PIP5K1A: variants seen among roughly 807,000 people sequenced by gnomAD.
The protein encoded by PIP5K1A is phosphatidylinositol 4-phosphate 5-kinase type-1 alpha.
In PIP5K1A, 46 loss-of-function variants were observed where a neutral mutation model predicts 72.9. The ratio of observed to expected loss-of-function variants is 0.63; its 90% CI spans 0.50 to 0.81. PIP5K1A has a LOEUF of 0.81. Among genes scored for constraint, PIP5K1A ranks in the 30% least tolerant of loss-of-function variants. PIP5K1A has a pLI of 0.00. For missense variants in PIP5K1A, 458 were observed against 706.1 expected, an observed-to-expected ratio of 0.65 and a Z score of 3.98; for synonymous variants, 228 against 255.1, an observed-to-expected ratio of 0.89 and a Z score of 1.01.
At position 151,242,511 on chromosome 1, in the gene PIP5K1A, T is replaced by G. The variant is rs1691896591; in HGVS notation, c.1584T>G (p.Ile528Met). ...PLEEISEGSP[I>M]PDPSFSPLVG... is the part of the protein sequence containing the mutation. ...AGGAAATCAGTGAGGGCTCGCCTAT[T>G]CCTGACCCCAGTTTCTCACCTCTAG... Residue 528 changes from isoleucine to methionine, a missense_variant, in exon 14 of 16, where the codon ATT becomes ATG. Ile to Met is a conservative substitution (Grantham distance 10, BLOSUM62 1). Transcript: ENST00000368888. The G allele has an allele frequency of 8.7e-6, 14 of 1,613,776 alleles. No homozygotes were observed. The highest frequency in any genetic ancestry group is 1.2e-5 in the Non-Finnish European group (14 of 1,179,644).
chr1:151,195,884 A>ATTTTTTTTTTTTTTTTTT (rs1157195462), upstream of PIP5K1A, among the ~76,000 whole-genome samples: 6 of 62,294 alleles, frequency 9.6e-5, 2 homozygotes, highest in Non-Finnish European at 1.6e-4. Context: ...ACACCAGCCG[A>ATTTTTTTTTTTTTTTTTT]TTTTTTTTTT....
At chr1:151,239,651 C>G (rs1691399425) in intron 11 of PIP5K1A, among the ~76,000 whole-genome samples, 1 of 152,140 alleles carries the variant, frequency 6.6e-6, no homozygotes, top group Non-Finnish European at 1.5e-5. Context: ...CCTCAGCCTC[C>G]CATGTAGCTG....
intron 1 of PIP5K1A, chr1:151,216,045 C>T (rs1369611822): frequency 1.0e-6 from 1 of 984,526 alleles, no homozygotes; most frequent in Non-Finnish European, 1.4e-6. Context: ...GAGCTCCTTA[C>T]AGTAACTAGC....
In PIP5K1A at chr1:151,236,538, T is replaced by C. The variant is rs1231868673; in HGVS notation, c.940-20T>C. The C allele has an allele frequency of 2.6e-6, 4 of 1,521,844 alleles. No homozygotes were observed. The highest frequency in any genetic ancestry group is 2.2e-5 in the East Asian group (1 of 44,466). The allele number at this position is 1,521,844 out of a possible 1,614,324, so 94.3% of individuals were successfully genotyped here. The stretch of plus-strand genomic sequence containing the variant: ...TTTATTTCTTCCAAGGCTCAGATCA[T>C]GTTTTTTTCCTTCCATTAGGTGCTG... On this transcript the variant is annotated intron_variant, in intron 8 of 15. Coordinates refer to ENST00000368888, the MANE Select transcript of PIP5K1A (RefSeq NM_001135638.2).
At chr1:151,212,959 C>T (rs1315692063) in intron 1 of PIP5K1A, among the ~76,000 whole-genome samples, 3 of 146,088 alleles carry the variant, frequency 2.1e-5, no homozygotes, top group Admixed American at 7.1e-5. Flanking sequence ...GGCGTGATCT[C>T]GGCTCACTGC....
At chr1:151,212,574 G>A (rs1280614693) in intron 1 of PIP5K1A, among the ~76,000 whole-genome samples, 4 of 148,856 alleles carry the variant, frequency 2.7e-5, no homozygotes, top group Admixed American at 6.9e-5. Flanking sequence ...GTGATGATTC[G>A]ACTTTGCCTT....
chr1:151,214,001 G>T (rs936604487), intron 1 of PIP5K1A, among the ~76,000 whole-genome samples: 1 of 152,042 alleles, frequency 6.6e-6, no homozygotes, highest in Non-Finnish European at 1.5e-5. Flanking sequence ...TTTTCTATGT[G>T]TATAAGTTCA....
intron 6 of PIP5K1A, 66 bp downstream of exon 6, chr1:151,232,431 C>A: frequency 6.7e-7 from 1 of 1,493,028 alleles, no homozygotes; most frequent in South Asian, 1.1e-5. Flanking sequence ...AGGAAGGCCC[C>A]TTTTCTCCAC....
At chr1:151,218,873 G>T (rs949735904) in intron 1 of PIP5K1A, among the ~76,000 whole-genome samples, 1 of 146,012 alleles carries the variant, frequency 6.8e-6, no homozygotes, top group Non-Finnish European at 1.5e-5. Flanking sequence ...TTATTCAGAA[G>T]AAAGTATTGA....
upstream of PIP5K1A, among the ~76,000 whole-genome samples, chr1:151,195,742 G>C (rs1684539029): frequency 6.6e-6 from 1 of 151,462 alleles, no homozygotes; most frequent in Admixed American, 6.6e-5. Context: ...GCCAGACTCT[G>C]TCTCAAAAAT....
chr1:151,220,069 G>A (rs1160383208), intron 1 of PIP5K1A, among the ~76,000 whole-genome samples: 1 of 151,878 alleles, frequency 6.6e-6, no homozygotes, highest in African/African-American at 2.4e-5. Context: ...GCAGTGGCGC[G>A]ATCTCAGCTC....
At chr1:151,198,504 A>G (rs143347227), upstream of PIP5K1A, 876 of 196,142 alleles carry the variant, frequency 4.5e-3, 7 homozygotes, top group African/African-American at 0.02. Flanking sequence ...TTTCTCCCCA[A>G]TGAGTGGGCT....
At chr1:151,231,211 CAAAAA>C (rs33932262) in intron 4 of PIP5K1A, among the ~76,000 whole-genome samples, 5 of 101,446 alleles carry the variant, frequency 4.9e-5, no homozygotes, top group Non-Finnish European at 8.1e-5. Flanking sequence ...GACTTAGTCT[CAAAAA>C]AAAAAAAAAA....
chr1:151,231,056 A>G (rs1017607897), intron 4 of PIP5K1A, among the ~76,000 whole-genome samples: 3 of 152,106 alleles, frequency 2.0e-5, no homozygotes, highest in Admixed American at 1.3e-4. Flanking sequence ...AAATATAAAG[A>G]ATAAGCAAGG....
chr1:151,208,709 T>C (rs1028907850), intron 1 of PIP5K1A, among the ~76,000 whole-genome samples: 1 of 144,514 alleles, frequency 6.9e-6, no homozygotes, highest in African/African-American at 2.6e-5. Context: ...AAGGATGTTG[T>C]AATGGTACGC....
upstream of PIP5K1A, chr1:151,198,542 G>T: frequency 5.1e-6 from 1 of 196,918 alleles, no homozygotes. Flanking sequence ...GGGCGCATGC[G>T]CAGTGCTCGG....
rs919750413 is a variant in PIP5K1A, at chr1:151,219,110, A to G, written c.86-5135A>G. ...AAAATTGGAAAGTAGGCTGGGCACA[A>G]TGGCTCACGCCTATAATCCCAGCAC... On this transcript the variant is annotated intron_variant, in intron 1 of 15. Transcript: ENST00000368888. Among the ~76,000 whole-genome samples, 33 of 151,850 alleles carry G rather than the reference A, an allele frequency of 2.2e-4. 1 individual carries two copies. The highest frequency in any genetic ancestry group is 1.3e-4 in the Non-Finnish European group (9 of 67,956).
chr1:151,247,095 T>A (rs967212782), intron 15 of PIP5K1A, 130 bp downstream of exon 15: 4 of 428,674 alleles, frequency 9.3e-6, no homozygotes, highest in African/African-American at 4.1e-5. Flanking sequence ...TTTTTTATTT[T>A]TTATTATTTT....
chr1:151,236,494 T>G, intron 8 of PIP5K1A, 64 bp from the exon 9 acceptor site: 10 of 1,273,858 alleles, frequency 7.9e-6, no homozygotes, highest in Non-Finnish European at 1.1e-5. Context: ...AAAAAAATTG[T>G]GAGATCCTGA....
Sources: allele counts gnomAD v4.1 joint callset (sites outside exome capture counted in the v4.1 genomes callset), GRCh38; gene constraint gnomAD v4.1.1; transcripts MANE v1.5; gene names NCBI Gene and HGNC (gene_info 2026-07-23, HGNC 2026-07-21).